The following SERGEF variants were observed in gnomAD, a reference collection of about 807,000 sequenced individuals.
The protein encoded by SERGEF is secretion regulating guanine nucleotide exchange factor.
Under a neutral mutation model 50.0 loss-of-function variants are expected in SERGEF, and 51 were observed. The ratio of observed to expected loss-of-function variants is 1.02; its 90% CI spans 0.81 to 1.29. The LOEUF is 1.29. Among genes scored for constraint, SERGEF ranks in the 50% most tolerant of loss-of-function variants. SERGEF has a pLI of 0.00. For synonymous variants in SERGEF, 205 were observed against 212.4 expected (o/e 0.97, Z 0.30); for missense variants, 521 against 557.0 (o/e 0.94, Z 0.65).
intron 9 of SERGEF, among the ~76,000 whole-genome samples, chr11:17,957,749 A>G (rs1852904795): frequency 6.6e-6 from 1 of 152,096 alleles, no homozygotes. Context: ...AAAAAAAAAA[A>G]AAAAGGATGA....
In SERGEF at chr11:18,004,544, T is replaced by C. The variant is rs1054746939; in HGVS notation, c.353-9A>G. 6.3e-7 allele frequency: 1 copy of C among 1,590,042 alleles called. No homozygotes were observed. On this transcript the variant is annotated splice_polypyrimidine_tract_variant and intron_variant, in intron 3 of 10. Coordinates refer to ENST00000265965, the MANE Select transcript of SERGEF (RefSeq NM_012139.4). The stretch of plus-strand genomic sequence containing the variant: ...TAGAACTTGACCATTTTCTGCAAAA[T>C]ACAAATACTTAAATTGCAAATCTAT...
rs1184940722 is a variant in SERGEF at position 17,992,987 on chromosome 11, T to G, written c.629A>C (p.Glu210Ala). The change falls in exon 7 of 11, where the codon GAG becomes GCG. Residue 210 changes from glutamate to alanine, a missense_variant. By Grantham distance (107) the Glu-to-Ala change is moderately radical. Transcript: ENST00000265965. The part of the protein sequence containing the change: ...AKEPSRVTGL[E>A]NSKAMCVLAG... Reference sequence around the variant, plus strand: ...AAGAACACACATTGCTTTAGAATTCTCTAGACCTACAAAAGAAAAAATGTT... The same window carrying G: ...AAGAACACACATTGCTTTAGAATTCGCTAGACCTACAAAAGAAAAAATGTT... The G allele has an allele frequency of 6.2e-7, 1 of 1,613,900 alleles. No individual in the cohort carries two copies.
intron 8 of SERGEF, among the ~76,000 whole-genome samples, chr11:17,980,571 T>C (rs1181522737): frequency 3.9e-5 from 6 of 152,242 alleles, no homozygotes; most frequent in African/African-American, 1.4e-4. Flanking sequence ...TTCTAGTCTT[T>C]TCTACAGAAA....
intron 4 of SERGEF, among the ~76,000 whole-genome samples, chr11:18,003,782 TAG>T (rs1854016872): frequency 6.6e-6 from 1 of 152,004 alleles, no homozygotes; most frequent in African/African-American, 2.4e-5. Flanking sequence ...AGACAAAAAG[TAG>T]ATTAGTACTC....
chr11:17,833,552 G>C (rs527597642), intron 10 of SERGEF, among the ~76,000 whole-genome samples: 1 of 152,298 alleles, frequency 6.6e-6, no homozygotes, highest in South Asian at 2.1e-4. Context: ...ACCCAGAATG[G>C]TGGATCCAAT....
intron 10 of SERGEF, among the ~76,000 whole-genome samples, chr11:17,868,251 G>C (rs1241958594): frequency 1.3e-5 from 2 of 152,112 alleles, no homozygotes; most frequent in African/African-American, 2.4e-5. Flanking sequence ...TGAATGCTTT[G>C]CTGCTTAGAA....
chr11:17,845,997 G>A (rs116801723), intron 10 of SERGEF, among the ~76,000 whole-genome samples: 1,629 of 152,230 alleles, frequency 0.011, 31 homozygotes, highest in African/African-American at 0.038. Context: ...TCCCTCCAAC[G>A]TCATGCAGCC....
At chr11:17,789,386 GTA>G (rs1450651392) in intron 10 of SERGEF, among the ~76,000 whole-genome samples, 22 of 152,274 alleles carry the variant, frequency 1.4e-4, no homozygotes, top group African/African-American at 5.3e-4. Flanking sequence ...ACAGTGCCTG[GTA>G]CACAGTTGGT....
chr11:17,839,052 A>T (rs1339814142), intron 10 of SERGEF, among the ~76,000 whole-genome samples: 1 of 152,200 alleles, frequency 6.6e-6, no homozygotes, highest in Non-Finnish European at 1.5e-5. Context: ...CAGATAAAAT[A>T]ACTGGTAAAT....
chr11:17,944,877 G>C (rs1283875407), intron 9 of SERGEF, among the ~76,000 whole-genome samples: 1 of 152,110 alleles, frequency 6.6e-6, no homozygotes, highest in Non-Finnish European at 1.5e-5. Context: ...AGAATTAAAA[G>C]ATCAAATAGT....
chr11:17,976,515 T>A (rs1853379674), intron 8 of SERGEF, among the ~76,000 whole-genome samples: 1 of 146,438 alleles, frequency 6.8e-6, no homozygotes, highest in Non-Finnish European at 1.5e-5. Flanking sequence ...TTGGCCAGGC[T>A]GGTCTCAAAC....
chr11:17,930,317 G>A (rs990866162), intron 9 of SERGEF, among the ~76,000 whole-genome samples: 9 of 152,170 alleles, frequency 5.9e-5, no homozygotes, highest in African/African-American at 1.7e-4. Context: ...CAACACCAAG[G>A]CAGGGCCCCA....
chr11:17,809,191 C>T (rs910082267), intron 10 of SERGEF, among the ~76,000 whole-genome samples: 1 of 152,102 alleles, frequency 6.6e-6, no homozygotes, highest in Admixed American at 6.6e-5. Flanking sequence ...GTAGATAGAA[C>T]AGTGGGAACA....
At chr11:17,878,084 C>T (rs770731242) in intron 10 of SERGEF, 124 bp downstream of exon 10, 123 of 674,050 alleles carry the variant, frequency 1.8e-4, no homozygotes, top group Non-Finnish European at 2.3e-4. Flanking sequence ...CTTCCATTTC[C>T]CCCAATCTCC....
rs1565230383 is a variant in SERGEF, at chr11:18,008,042, TG to T, written c.94del (p.His32IlefsTer11). 2 of 1,614,160 alleles carry T rather than the reference TG, an allele frequency of 1.2e-6. No individual in the cohort carries two copies. The highest frequency in any genetic ancestry group is 1.7e-5 in the Admixed American group (1 of 60,014). The part of the protein sequence containing the change: ...ANSYGQLGLG[H>X]KEDVLLPQQL... ...CTGGGGCAACAGCACATCTTCCTTA[TG>T]GCCGAGGCCAAGTTGCCCATAGCTA... On this transcript the variant is annotated frameshift_variant, in exon 2 of 11. Transcript: ENST00000265965. LOFTEE classifies it high-confidence loss of function.
At chr11:17,995,256 C>T (rs1343468202) in intron 6 of SERGEF, among the ~76,000 whole-genome samples, 4 of 152,158 alleles carry the variant, frequency 2.6e-5, no homozygotes, top group Non-Finnish European at 5.9e-5. Context: ...ACTCCTGGCC[C>T]CTCTGTCTAC....
At chr11:17,993,267 A>C (rs1853759396) in intron 6 of SERGEF, among the ~76,000 whole-genome samples, 1 of 152,242 alleles carries the variant, frequency 6.6e-6, no homozygotes, top group Admixed American at 6.5e-5. Flanking sequence ...AAAAGGGGAA[A>C]GGCTATAATC....
At chr11:17,845,468 G>A (rs985765661) in intron 10 of SERGEF, among the ~76,000 whole-genome samples, 1 of 152,180 alleles carries the variant, frequency 6.6e-6, no homozygotes, top group East Asian at 1.9e-4. Flanking sequence ...GGCAGCCTCA[G>A]TAGGAATGGG....
intron 9 of SERGEF, among the ~76,000 whole-genome samples, chr11:17,897,917 C>A (rs190981079): frequency 1.3e-5 from 2 of 152,196 alleles, no homozygotes; most frequent in East Asian, 3.9e-4. Context: ...CCCCATTAAC[C>A]CCTAATGTTG....
Sources: allele counts gnomAD v4.1 joint callset (sites outside exome capture counted in the v4.1 genomes callset), GRCh38; gene constraint gnomAD v4.1.1; transcripts MANE v1.5; gene names NCBI Gene and HGNC (gene_info 2026-07-23, HGNC 2026-07-21).